Variants in OXCT1 observed in about 807,000 individuals in gnomAD.
The protein encoded by OXCT1 is 3-oxoacid CoA-transferase 1, also known as succinyl-CoA:3-ketoacid coenzyme A transferase 1, mitochondrial.
Under a neutral mutation model 69.6 loss-of-function variants are expected in OXCT1, and 27 were observed. That is an observed-to-expected ratio of 0.39 (90% confidence interval 0.29 to 0.54). The LOEUF is 0.54. OXCT1 is among the 20% of genes least tolerant of loss of function. The pLI is 0.72. For synonymous variants in OXCT1, 202 were observed against 217.8 expected, an observed-to-expected ratio of 0.93 and a Z score of 0.64; for missense variants, 437 against 650.2, an observed-to-expected ratio of 0.67 and a Z score of 3.57.
At chr5:41,861,487 G>T in intron 2 of OXCT1, 83 bp from the exon 3 acceptor site, 1 of 877,282 alleles carries the variant, frequency 1.1e-6, no homozygotes, top group South Asian at 1.3e-5. Context: ...CTTTTTAAAA[G>T]GGAAATAAAA....
intron 3 of OXCT1, among the ~76,000 whole-genome samples, chr5:41,855,906 G>C (rs1289061976): frequency 6.6e-6 from 1 of 152,110 alleles, no homozygotes; most frequent in Non-Finnish European, 1.5e-5. Flanking sequence ...AAAACATCTC[G>C]AGAACAGTGT....
At chr5:41,744,862 A>G (rs1743386395) in intron 15 of OXCT1, among the ~76,000 whole-genome samples, 1 of 152,184 alleles carries the variant, frequency 6.6e-6, no homozygotes, top group Admixed American at 6.6e-5. Flanking sequence ...CAATTCAACA[A>G]GAAGAGCTAA....
chr5:41,730,165 A>C lies in OXCT1; in HGVS notation c.*1564T>G, dbSNP rs773294178. 1.3e-5 allele frequency: 2 copies of C among 152,254 alleles called. No homozygotes were observed. The highest frequency in any genetic ancestry group is 4.8e-5 in the African/African-American group (2 of 41,472). 9.4% of individuals were successfully genotyped at this position (152,254 alleles called of 1,614,324 possible). The stretch of plus-strand genomic sequence containing the variant: ...AAAGTCATCTACTTAGAATCACATT[A>C]TCTTAAAGATGCATACTGGAATGAT... On this transcript the variant is annotated 3_prime_UTR_variant, in exon 17 of 17. Coordinates refer to ENST00000196371, the MANE Select transcript of OXCT1 (RefSeq NM_000436.4).
chr5:41,792,958 G>A (rs1745992850), intron 13 of OXCT1, among the ~76,000 whole-genome samples: 1 of 152,136 alleles, frequency 6.6e-6, no homozygotes. Context: ...TTAAAACTCT[G>A]AGGTATTCTA....
chr5:41,738,024 C>T (rs1742975306), intron 16 of OXCT1, among the ~76,000 whole-genome samples: 1 of 152,068 alleles, frequency 6.6e-6, no homozygotes, highest in South Asian at 2.1e-4. Context: ...CACTGCACTC[C>T]AGCCTGGGCA....
chr5:41,827,416 G>A (rs1490115109), intron 7 of OXCT1, among the ~76,000 whole-genome samples: 4 of 152,116 alleles, frequency 2.6e-5, no homozygotes, highest in Non-Finnish European at 5.9e-5. Context: ...TTACAATATT[G>A]TAATAAAGCT....
At chr5:41,843,833 C>T (rs920671350) in intron 5 of OXCT1, among the ~76,000 whole-genome samples, 2 of 152,148 alleles carry the variant, frequency 1.3e-5, no homozygotes, top group Non-Finnish European at 2.9e-5. Context: ...AAGACATTAA[C>T]CAAGTTGCCT....
At chr5:41,833,731 A>G (rs1748212300) in intron 7 of OXCT1, among the ~76,000 whole-genome samples, 1 of 152,142 alleles carries the variant, frequency 6.6e-6, no homozygotes, top group African/African-American at 2.4e-5. Flanking sequence ...AATTAAGAGA[A>G]ACAAAAAGTT....
chr5:41,819,962 G>A (rs980991114), intron 7 of OXCT1, among the ~76,000 whole-genome samples: 1 of 152,018 alleles, frequency 6.6e-6, no homozygotes, highest in African/African-American at 2.4e-5. Context: ...CCTGGGTCAA[G>A]CAGCCAGGAG....
At chr5:41,801,953 C>A (rs1429054607) in intron 10 of OXCT1, among the ~76,000 whole-genome samples, 1 of 151,840 alleles carries the variant, frequency 6.6e-6, no homozygotes, top group Non-Finnish European at 1.5e-5. Context: ...GAAATTTTTA[C>A]ATACTTTCTA....
chr5:41,740,616 C>T (rs562619923), intron 15 of OXCT1, among the ~76,000 whole-genome samples: 74 of 152,264 alleles, frequency 4.9e-4, no homozygotes, highest in Non-Finnish European at 8.2e-4. Context: ...AAGTGACCTA[C>T]GAGGTCACTT....
chr5:41,837,363 T>G (rs868455507), intron 7 of OXCT1, among the ~76,000 whole-genome samples: 2 of 151,700 alleles, frequency 1.3e-5, no homozygotes, highest in Non-Finnish European at 2.9e-5. Context: ...CTGTTATGCC[T>G]CCCACTGCTT....
intron 7 of OXCT1, among the ~76,000 whole-genome samples, chr5:41,839,076 G>A (rs1748508257): frequency 6.6e-6 from 1 of 152,086 alleles, no homozygotes; most frequent in Non-Finnish European, 1.5e-5. Context: ...GACACAGGAG[G>A]GAAGCCTTTA....
chr5:41,821,708 T>C (rs959389785), intron 7 of OXCT1, among the ~76,000 whole-genome samples: 6 of 152,246 alleles, frequency 3.9e-5, no homozygotes, highest in African/African-American at 7.2e-5. Context: ...TTGAGCATCT[T>C]CTCATATGCT....
intron 7 of OXCT1, among the ~76,000 whole-genome samples, chr5:41,813,215 A>G (rs867480797): frequency 6.6e-6 from 1 of 152,088 alleles, no homozygotes; most frequent in South Asian, 2.1e-4. Flanking sequence ...ACTTAAAATC[A>G]ACAAATACAA....
intron 5 of OXCT1, among the ~76,000 whole-genome samples, chr5:41,848,271 G>A (rs1054077954): frequency 1.3e-4 from 20 of 151,576 alleles, no homozygotes; most frequent in Non-Finnish European, 2.7e-4. Flanking sequence ...CACTGCTCAA[G>A]GAAATAAAAG....
intron 5 of OXCT1, among the ~76,000 whole-genome samples, chr5:41,847,334 T>C (rs1394854423): frequency 6.6e-5 from 10 of 152,202 alleles, no homozygotes; most frequent in Non-Finnish European, 1.3e-4. Context: ...GATTCACAGC[T>C]GAATCCTACC....
intron 7 of OXCT1, among the ~76,000 whole-genome samples, chr5:41,814,840 C>T (rs1281292930): frequency 6.6e-6 from 1 of 151,704 alleles, no homozygotes; most frequent in African/African-American, 2.4e-5. Context: ...CTAACCTGCA[C>T]ATTGTGCACA....
At chr5:41,798,094 A>G (rs537041537) in intron 11 of OXCT1, among the ~76,000 whole-genome samples, 1 of 152,192 alleles carries the variant, frequency 6.6e-6, no homozygotes, top group Non-Finnish European at 1.5e-5. Context: ...ATCAGTAAGG[A>G]GATGGGGATA....
Sources: allele counts gnomAD v4.1 joint callset (sites outside exome capture counted in the v4.1 genomes callset), GRCh38; gene constraint gnomAD v4.1.1; transcripts MANE v1.5; gene names NCBI Gene and HGNC (gene_info 2026-07-23, HGNC 2026-07-21).